NRXN1: variants seen among roughly 807,000 people sequenced by gnomAD.
NRXN1 encodes neurexin-1.
Under a neutral mutation model 150.9 loss-of-function variants are expected in NRXN1, and 39 were observed. That is an observed-to-expected ratio of 0.26 (90% CI 0.20 to 0.34). The LOEUF (loss-of-function observed/expected upper bound fraction) is 0.34, where lower values mean the gene tolerates loss of function less well. NRXN1 is among the 10% of genes least tolerant of loss of function. NRXN1 has a pLI of 1.00. For missense variants in NRXN1, 1,815 were observed against 1,949.9 expected (o/e 0.93, Z 1.30); for synonymous variants, 924 against 757.0 (o/e 1.22, Z -3.62).
At chr2:50,520,091 A>G (rs1249562852) in intron 12 of NRXN1, among the ~76,000 whole-genome samples, 1 of 151,964 alleles carries the variant, frequency 6.6e-6, no homozygotes, top group Non-Finnish European at 1.5e-5. Flanking sequence ...TTAAGTACAT[A>G]ATGTGCCAAG....
chr2:50,474,251 T>C (rs1024232742), intron 15 of NRXN1, among the ~76,000 whole-genome samples: 2 of 151,844 alleles, frequency 1.3e-5, no homozygotes, highest in Non-Finnish European at 2.9e-5. Context: ...GAATCAGAAA[T>C]CAAAGATACA....
chr2:50,352,950 C>T (rs1490228310), intron 17 of NRXN1, among the ~76,000 whole-genome samples: 1 of 151,664 alleles, frequency 6.6e-6, no homozygotes, highest in East Asian at 1.9e-4. Context: ...ACCGATAGTC[C>T]AGTCATAGAT....
chr2:50,593,254 G>A (rs150863989), intron 8 of NRXN1, among the ~76,000 whole-genome samples: 14 of 152,274 alleles, frequency 9.2e-5, no homozygotes, highest in Admixed American at 3.9e-4. Flanking sequence ...TATGTTTGGA[G>A]CATATTTTCT....
intron 17 of NRXN1, among the ~76,000 whole-genome samples, chr2:50,278,137 T>C (rs1375205181): frequency 1.5e-5 from 2 of 137,488 alleles, no homozygotes; most frequent in Non-Finnish European, 1.5e-5. Flanking sequence ...GGCAGGATCT[T>C]GGCTCACCAC....
chr2:50,179,776 A>C (rs1056326135), intron 18 of NRXN1, among the ~76,000 whole-genome samples: 1 of 152,122 alleles, frequency 6.6e-6, no homozygotes, highest in Non-Finnish European at 1.5e-5. Flanking sequence ...AAAGAAAAAA[A>C]ATGTGGAGAA....
intron 18 of NRXN1, among the ~76,000 whole-genome samples, chr2:50,143,513 C>T (rs535024926): frequency 3.3e-5 from 5 of 151,866 alleles, no homozygotes; most frequent in Admixed American, 6.6e-5. Context: ...ACAAGGGAAA[C>T]GATATGTAAC....
intron 5 of NRXN1, among the ~76,000 whole-genome samples, chr2:50,827,942 G>C (rs1183335528): frequency 6.9e-6 from 1 of 145,366 alleles, no homozygotes; most frequent in Non-Finnish European, 1.5e-5. Context: ...AGATCAACAG[G>C]ATCCCAAGGC....
At chr2:50,126,915 G>A (rs542165920) in intron 18 of NRXN1, among the ~76,000 whole-genome samples, 1 of 152,190 alleles carries the variant, frequency 6.6e-6, no homozygotes, top group East Asian at 1.9e-4. Flanking sequence ...AACAGCACAA[G>A]GAAACTCAAG....
intron 17 of NRXN1, among the ~76,000 whole-genome samples, chr2:50,379,618 C>T (rs959843942): frequency 1.3e-5 from 2 of 152,092 alleles, no homozygotes; most frequent in African/African-American, 2.4e-5. Context: ...AGAGGCTCTG[C>T]AGTCCCACAG....
intron 18 of NRXN1, among the ~76,000 whole-genome samples, chr2:50,190,092 G>A (rs895289806): frequency 6.6e-6 from 1 of 152,050 alleles, no homozygotes; most frequent in African/African-American, 2.4e-5. Flanking sequence ...TTTGAAAATG[G>A]AGACACTACA....
intron 21 of NRXN1, among the ~76,000 whole-genome samples, chr2:50,001,538 T>A (rs933153609): frequency 2.0e-5 from 3 of 152,150 alleles, no homozygotes; most frequent in Non-Finnish European, 2.9e-5. Flanking sequence ...ATTATCGCAT[T>A]CACATACCTA....
intron 21 of NRXN1, among the ~76,000 whole-genome samples, chr2:49,982,225 G>A (rs1680096786): frequency 6.6e-6 from 1 of 152,134 alleles, no homozygotes; most frequent in South Asian, 2.1e-4. Context: ...GAGATGAATA[G>A]ATTATCAATA....
chr2:50,117,623 T>C (rs894363770), intron 18 of NRXN1, among the ~76,000 whole-genome samples: 1 of 152,128 alleles, frequency 6.6e-6, no homozygotes, highest in African/African-American at 2.4e-5. Flanking sequence ...CAAAAATCAT[T>C]TCTTGTTATG....
intron 5 of NRXN1, among the ~76,000 whole-genome samples, chr2:50,681,162 A>G (rs1420842346): frequency 6.6e-6 from 1 of 152,184 alleles, no homozygotes; most frequent in Non-Finnish European, 1.5e-5. Context: ...CACAGACTCT[A>G]ATGTTGGATC....
At chr2:50,519,027 G>T (rs764776113) in intron 12 of NRXN1, among the ~76,000 whole-genome samples, 3 of 151,702 alleles carry the variant, frequency 2.0e-5, no homozygotes, top group Non-Finnish European at 4.4e-5. Context: ...TCAACTTTAT[G>T]GACCTATTTG....
chr2:50,305,091 G>T (rs2074497482), intron 17 of NRXN1, among the ~76,000 whole-genome samples: 1 of 152,040 alleles, frequency 6.6e-6, no homozygotes, highest in Non-Finnish European at 1.5e-5. Flanking sequence ...CTGTCTTGTA[G>T]GGGGTGGGAT....
intron 17 of NRXN1, among the ~76,000 whole-genome samples, chr2:50,357,121 T>G (rs2078871572): frequency 6.6e-6 from 1 of 151,796 alleles, no homozygotes; most frequent in East Asian, 1.9e-4. Context: ...TACAAAAAAT[T>G]TAAAAAAATT....
At chr2:50,387,658 G>C (rs1188860652) in intron 17 of NRXN1, among the ~76,000 whole-genome samples, 1 of 152,170 alleles carries the variant, frequency 6.6e-6, no homozygotes, top group East Asian at 1.9e-4. Context: ...TACAGGAACA[G>C]TATGAAGAAA....
chr2:50,361,733 T>G (rs1409628484), intron 17 of NRXN1, among the ~76,000 whole-genome samples: 1 of 152,128 alleles, frequency 6.6e-6, no homozygotes, highest in African/African-American at 2.4e-5. Flanking sequence ...GAGGCACTCC[T>G]CCCTAACTCA....
Sources: allele counts gnomAD v4.1 joint callset (sites outside exome capture counted in the v4.1 genomes callset), GRCh38; gene constraint gnomAD v4.1.1; transcripts MANE v1.5; gene names NCBI Gene and HGNC (gene_info 2026-07-23, HGNC 2026-07-21).